The following PRKG1 variants were observed in gnomAD, a reference collection of about 807,000 sequenced individuals.
PRKG1 encodes the protein protein kinase cGMP-dependent 1.
In PRKG1, 35 loss-of-function variants were observed where a neutral mutation model predicts 88.1. The observed-to-expected ratio is 0.40, with a 90% confidence interval of 0.30 to 0.53. PRKG1 has a LOEUF of 0.53. Ranked by LOEUF, PRKG1 falls within the 20% of genes least tolerant of loss-of-function variation. PRKG1 has a pLI of 0.59. For missense variants in PRKG1, 540 were observed against 839.8 expected, an observed-to-expected ratio of 0.64 and a Z score of 4.41; for synonymous variants, 303 against 292.5, an observed-to-expected ratio of 1.04 and a Z score of -0.37.
rs867933853 is a variant in PRKG1, at chr10:51,760,473, T to A, written c.593-44112T>A. Among the ~76,000 whole-genome samples the A allele has an allele frequency of 5.9e-3, 548 of 92,392 alleles. 4 individuals are homozygous for A. The highest frequency in any genetic ancestry group is 0.018 in the African/African-American group (511 of 28,010). 60.6% of individuals were successfully genotyped at this position (92,392 alleles called of 152,430 possible). On this transcript the variant is annotated intron_variant, in intron 3 of 17. Transcript: ENST00000373980. Reference sequence around the variant, plus strand: ...ATTAAGTCTATTGCTTGACTTTTCGTTTTTTTTTTTTTTTTTGAGACCAAG... The same window carrying A: ...ATTAAGTCTATTGCTTGACTTTTCGATTTTTTTTTTTTTTTTGAGACCAAG...
chr10:51,688,855 T>C (rs1401737495), intron 3 of PRKG1, among the ~76,000 whole-genome samples: 1 of 152,188 alleles, frequency 6.6e-6, no homozygotes, highest in African/African-American at 2.4e-5. Context: ...ATGGTTTGGC[T>C]CTGTGTCCCC....
intron 5 of PRKG1, among the ~76,000 whole-genome samples, chr10:52,013,895 C>G (rs1345595089): frequency 6.6e-6 from 1 of 152,140 alleles, no homozygotes; most frequent in Non-Finnish European, 1.5e-5. Context: ...AAGGCTTTCT[C>G]TCCTTGATTT....
intron 2 of PRKG1, among the ~76,000 whole-genome samples, chr10:51,161,624 A>G (rs1244130744): frequency 6.6e-6 from 1 of 152,110 alleles, no homozygotes; most frequent in African/African-American, 2.4e-5. Flanking sequence ...TTTTTTTTCA[A>G]AAAATCAATG....
chr10:52,047,821 T>A (rs1170635099), intron 5 of PRKG1, among the ~76,000 whole-genome samples: 2 of 152,156 alleles, frequency 1.3e-5, no homozygotes, highest in African/African-American at 4.8e-5. Context: ...GATCCCAATA[T>A]TTTAAATAAT....
chr10:51,204,367 CGTGTGTGTGTGTGTGT>C (rs34624885), intron 2 of PRKG1, among the ~76,000 whole-genome samples: 4 of 145,964 alleles, frequency 2.7e-5, no homozygotes, highest in Admixed American at 6.9e-5. Flanking sequence ...AGTAGACCTC[CGTGTGTGTGTGTGTGT>C]GTGTGTGTGT....
chr10:51,886,627 A>G (rs961804352), intron 4 of PRKG1, among the ~76,000 whole-genome samples: 1 of 152,222 alleles, frequency 6.6e-6, no homozygotes, highest in Non-Finnish European at 1.5e-5. Context: ...TATAAGTGGA[A>G]TCATGAAGTA....
chr10:51,172,973 C>T (rs1837084699), intron 2 of PRKG1, among the ~76,000 whole-genome samples: 1 of 151,948 alleles, frequency 6.6e-6, no homozygotes, highest in African/African-American at 2.4e-5. Flanking sequence ...GTTTTATTCA[C>T]TTAACAAATA....
intron 8 of PRKG1, among the ~76,000 whole-genome samples, chr10:52,155,555 G>A (rs984666260): frequency 4.0e-5 from 6 of 151,868 alleles, no homozygotes; most frequent in African/African-American, 7.3e-5. Flanking sequence ...AGCACAGACA[G>A]CCTAAAATCA....
chr10:51,911,372 A>G (rs1842213085), intron 5 of PRKG1, among the ~76,000 whole-genome samples: 2 of 151,326 alleles, frequency 1.3e-5, no homozygotes, highest in Non-Finnish European at 2.9e-5. Context: ...TTCTTTAATC[A>G]TTGTCTTTCT....
At chr10:52,228,198 C>T (rs1840436283) in intron 9 of PRKG1, among the ~76,000 whole-genome samples, 1 of 151,940 alleles carries the variant, frequency 6.6e-6, no homozygotes, top group African/African-American at 2.4e-5. Context: ...AACTGCATCA[C>T]CACCATAATC....
chr10:52,248,723 A>G (rs952462380), intron 9 of PRKG1, among the ~76,000 whole-genome samples: 1 of 152,140 alleles, frequency 6.6e-6, no homozygotes, highest in African/African-American at 2.4e-5. Flanking sequence ...GATGAAACTT[A>G]ATATACTCAT....
intron 5 of PRKG1, among the ~76,000 whole-genome samples, chr10:51,983,202 C>G (rs1425698507): frequency 6.6e-6 from 1 of 152,102 alleles, no homozygotes; most frequent in Non-Finnish European, 1.5e-5. Flanking sequence ...AAGGCTTTGA[C>G]TACAATGGTG....
intron 2 of PRKG1, among the ~76,000 whole-genome samples, chr10:51,226,215 G>A (rs931373038): frequency 3.3e-5 from 5 of 151,958 alleles, no homozygotes; most frequent in Non-Finnish European, 7.4e-5. Flanking sequence ...AAAAACAAAC[G>A]AACAAACAGA....
chr10:51,287,472 G>A (rs1424134932), intron 2 of PRKG1, among the ~76,000 whole-genome samples: 2 of 152,196 alleles, frequency 1.3e-5, no homozygotes, highest in Non-Finnish European at 2.9e-5. Context: ...ATGTCCTGGG[G>A]ACAGAGCTAC....
At chr10:51,941,671 T>G (rs1046011430) in intron 5 of PRKG1, among the ~76,000 whole-genome samples, 3 of 150,706 alleles carry the variant, frequency 2.0e-5, no homozygotes, top group Non-Finnish European at 4.4e-5. Flanking sequence ...TTCTCATTGT[T>G]CAATTCCCAC....
chr10:51,815,494 C>T (rs1839560846), intron 4 of PRKG1, among the ~76,000 whole-genome samples: 1 of 152,068 alleles, frequency 6.6e-6, no homozygotes, highest in Non-Finnish European at 1.5e-5. Context: ...GGAGAGAAAT[C>T]TGATAGAGAA....
chr10:51,050,981 C>T (rs1017447612), intron 1 of PRKG1, among the ~76,000 whole-genome samples: 1 of 152,082 alleles, frequency 6.6e-6, no homozygotes, highest in East Asian at 1.9e-4. Flanking sequence ...GTCCTTTGCT[C>T]ATTTGCTCAC....
At chr10:51,550,075 G>C (rs928897123) in intron 3 of PRKG1, among the ~76,000 whole-genome samples, 39 of 152,002 alleles carry the variant, frequency 2.6e-4, no homozygotes, top group Admixed American at 2.6e-3. Flanking sequence ...CCCTTCCTGT[G>C]TATCATCAAA....
intron 2 of PRKG1, among the ~76,000 whole-genome samples, chr10:51,392,864 C>A (rs1210756251): frequency 2.2e-5 from 3 of 136,776 alleles, no homozygotes; most frequent in East Asian, 2.1e-4. Flanking sequence ...GGGGGCTGAC[C>A]CCCCCACCTC....
Sources: allele counts gnomAD v4.1 joint callset (sites outside exome capture counted in the v4.1 genomes callset), GRCh38; gene constraint gnomAD v4.1.1; transcripts MANE v1.5; gene names NCBI Gene and HGNC (gene_info 2026-07-23, HGNC 2026-07-21).